Variants in KHDRBS3 observed in about 807,000 individuals in gnomAD.
KHDRBS3 encodes the protein KH RNA binding domain containing, signal transduction associated 3, also known as KH domain-containing, RNA-binding, signal transduction-associated protein 3.
Under a neutral mutation model 45.6 loss-of-function variants are expected in KHDRBS3, and 23 were observed. The observed-to-expected ratio is 0.50, with a 90% CI of 0.36 to 0.72. The LOEUF (loss-of-function observed/expected upper bound fraction) is 0.72. KHDRBS3 is among the 30% of genes least tolerant of loss of function. The probability of loss-of-function intolerance (pLI) is 0.00; values close to 1 mark genes in which losing one functional copy is unlikely to be tolerated. For missense variants in KHDRBS3, 352 were observed against 424.8 expected (o/e 0.83, Z 1.51); for synonymous variants, 162 against 156.5 (o/e 1.04, Z -0.26).
chr8:135,462,272 C>T (rs1405427111), intron 1 of KHDRBS3, among the ~76,000 whole-genome samples: 2 of 149,462 alleles, frequency 1.3e-5, no homozygotes, highest in Admixed American at 1.3e-4. Flanking sequence ...CGATCACTCA[C>T]AGTGTTAGAT....
At chr8:135,588,425 T>G (rs990737786) in intron 6 of KHDRBS3, among the ~76,000 whole-genome samples, 1 of 151,224 alleles carries the variant, frequency 6.6e-6, no homozygotes, top group South Asian at 2.1e-4. Flanking sequence ...TCAGCTGGAG[T>G]TTTTAATGGA....
chr8:135,556,725 A>C (rs907843326), intron 4 of KHDRBS3, among the ~76,000 whole-genome samples: 2 of 152,098 alleles, frequency 1.3e-5, no homozygotes, highest in African/African-American at 4.8e-5. Context: ...CTTTTTTGTA[A>C]AATAGATTAC....
intron 4 of KHDRBS3, among the ~76,000 whole-genome samples, chr8:135,654,860 T>C (rs1048882180): frequency 2.6e-5 from 4 of 152,228 alleles, no homozygotes; most frequent in African/African-American, 9.6e-5. Context: ...GCCCACCCTC[T>C]CTTCTTCTCT....
intron 5 of KHDRBS3, among the ~76,000 whole-genome samples, chr8:135,576,519 G>A (rs1395295474): frequency 6.6e-6 from 1 of 151,346 alleles, no homozygotes; most frequent in Non-Finnish European, 1.5e-5. Context: ...GCCATTGGGA[G>A]TTCTTTCAGT....
chr8:135,475,001 G>T (rs758232106), intron 1 of KHDRBS3, among the ~76,000 whole-genome samples: 2 of 152,168 alleles, frequency 1.3e-5, no homozygotes, highest in East Asian at 3.9e-4. Flanking sequence ...GCAACTCCAG[G>T]CTGAATGTTT....
At chr8:135,619,036 A>T (rs1445778803) in intron 7 of KHDRBS3, among the ~76,000 whole-genome samples, 2 of 152,192 alleles carry the variant, frequency 1.3e-5, no homozygotes, top group Non-Finnish European at 2.9e-5. Flanking sequence ...GAGTATCACA[A>T]ACCTAACTTG....
chr8:135,595,591 C>G (rs1828937971), intron 6 of KHDRBS3, among the ~76,000 whole-genome samples: 1 of 152,190 alleles, frequency 6.6e-6, no homozygotes, highest in African/African-American at 2.4e-5. Context: ...ATAGCTTGTT[C>G]TTAACATTTT....
At chr8:135,462,376 C>A (rs1821475195) in intron 1 of KHDRBS3, among the ~76,000 whole-genome samples, 1 of 151,804 alleles carries the variant, frequency 6.6e-6, no homozygotes, top group Admixed American at 6.6e-5. Flanking sequence ...TAGTAACAGG[C>A]TTATAGAGAA....
chr8:135,499,402 A>G (rs1460505627), intron 1 of KHDRBS3, among the ~76,000 whole-genome samples: 1 of 152,178 alleles, frequency 6.6e-6, no homozygotes, highest in Admixed American at 6.5e-5. Flanking sequence ...ATTTAAATCC[A>G]CTTCTGCCTA....
At chr8:135,519,831 A>C (rs1253677959) in intron 1 of KHDRBS3, among the ~76,000 whole-genome samples, 4 of 152,210 alleles carry the variant, frequency 2.6e-5, no homozygotes, top group Admixed American at 1.3e-4. Context: ...GCATATTAGG[A>C]TGGAGTGAAA....
chr8:135,511,810 G>A (rs767540270), intron 1 of KHDRBS3, among the ~76,000 whole-genome samples: 13 of 152,020 alleles, frequency 8.6e-5, no homozygotes, highest in Non-Finnish European at 1.2e-4. Flanking sequence ...CGCCCGTCTC[G>A]GCCTCCCAAA....
At chr8:135,529,483 A>C (rs1563745873) in intron 2 of KHDRBS3, among the ~76,000 whole-genome samples, 1 of 152,232 alleles carries the variant, frequency 6.6e-6, no homozygotes, top group Non-Finnish European at 1.5e-5. Flanking sequence ...TTTGAAACTT[A>C]AAGTGAAAAT....
chr8:135,612,080 A>G (rs926270242), intron 7 of KHDRBS3, among the ~76,000 whole-genome samples: 2 of 151,774 alleles, frequency 1.3e-5, no homozygotes, highest in Non-Finnish European at 2.9e-5. Context: ...GTTATTCCCA[A>G]ATTCAGAGAA....
At chr8:135,618,586 T>G (rs1347040829) in intron 7 of KHDRBS3, among the ~76,000 whole-genome samples, 1 of 152,230 alleles carries the variant, frequency 6.6e-6, no homozygotes, top group African/African-American at 2.4e-5. Context: ...GTAACTGAGT[T>G]GTAGTTTTAT....
At chr8:135,530,916 G>T (rs4243845) in intron 2 of KHDRBS3, among the ~76,000 whole-genome samples, 121,882 of 152,096 alleles carry the variant, frequency 0.8, 49,359 homozygotes, top group East Asian at 0.96. Flanking sequence ...TTACCCTATC[G>T]ATTGCAATAG....
chr8:135,564,613 G>T (rs908422458), intron 5 of KHDRBS3, among the ~76,000 whole-genome samples: 1 of 152,104 alleles, frequency 6.6e-6, no homozygotes, highest in Non-Finnish European at 1.5e-5. Context: ...TTGTCCTACA[G>T]GCTGAGTCTC....
At chr8:135,573,691 T>C (rs942049439) in intron 5 of KHDRBS3, among the ~76,000 whole-genome samples, 1 of 151,708 alleles carries the variant, frequency 6.6e-6, no homozygotes, top group African/African-American at 2.4e-5. Flanking sequence ...AACTAAATAA[T>C]TCATTTCTGA....
chr8:135,604,790 C>T (rs7827801), intron 6 of KHDRBS3, among the ~76,000 whole-genome samples: 114,999 of 151,620 alleles, frequency 0.76, 44,641 homozygotes, highest in East Asian at 0.99. Flanking sequence ...AAAGCTTATA[C>T]TATCTTTTAT....
chr8:135,469,928 T>C (rs1821928265), intron 1 of KHDRBS3, among the ~76,000 whole-genome samples: 1 of 152,226 alleles, frequency 6.6e-6, no homozygotes, highest in Non-Finnish European at 1.5e-5. Flanking sequence ...GCCAGCAGCT[T>C]GAGCATAAAG....
Sources: allele counts gnomAD v4.1 joint callset (sites outside exome capture counted in the v4.1 genomes callset), GRCh38; gene constraint gnomAD v4.1.1; transcripts MANE v1.5; gene names NCBI Gene and HGNC (gene_info 2026-07-23, HGNC 2026-07-21).